ARPP21: variants seen among roughly 807,000 people sequenced by gnomAD.
ARPP21 encodes cAMP regulated phosphoprotein 21, also known as cAMP-regulated phosphoprotein 21.
In ARPP21, 69 loss-of-function variants were observed where a neutral mutation model predicts 113.2. That is an observed-to-expected ratio of 0.61 (90% CI 0.50 to 0.74). The LOEUF (loss-of-function observed/expected upper bound fraction) is 0.74. Among genes scored for constraint, ARPP21 ranks in the 30% least tolerant of loss-of-function variants. The pLI, the probability that ARPP21 is intolerant of heterozygous loss-of-function variation, is 0.00. For missense variants in ARPP21, 1,070 were observed against 1,037.4 expected, an observed-to-expected ratio of 1.03 and a Z score of -0.43; for synonymous variants, 368 against 375.5, an observed-to-expected ratio of 0.98 and a Z score of 0.23.
At chr3:35,720,519 C>T (rs1286976495) in intron 13 of ARPP21, among the ~76,000 whole-genome samples, 1 of 152,122 alleles carries the variant, frequency 6.6e-6, no homozygotes, top group Non-Finnish European at 1.5e-5. Context: ...TGAATCAAGG[C>T]TTAAATATGT....
chr3:35,686,483 C>T (rs2149543534), intron 5 of ARPP21, among the ~76,000 whole-genome samples: 1 of 151,720 alleles, frequency 6.6e-6, no homozygotes, highest in Admixed American at 6.6e-5. Flanking sequence ...AGGGAGTTCA[C>T]AGTGGAGCCC....
chr3:35,720,075 C>T (rs1444051412), intron 13 of ARPP21, among the ~76,000 whole-genome samples: 2 of 152,166 alleles, frequency 1.3e-5, no homozygotes, highest in Non-Finnish European at 2.9e-5. Context: ...GGCATTCATA[C>T]CTACAACTTG....
chr3:35,660,586 G>C (rs1171377856), intron 1 of ARPP21, among the ~76,000 whole-genome samples: 1 of 152,206 alleles, frequency 6.6e-6, no homozygotes, highest in East Asian at 1.9e-4. Flanking sequence ...CTCAAGGAAA[G>C]ACAGAGGAAA....
intron 9 of ARPP21, among the ~76,000 whole-genome samples, chr3:35,697,012 C>T (rs2084319556): frequency 6.6e-6 from 1 of 151,522 alleles, no homozygotes; most frequent in Non-Finnish European, 1.5e-5. Context: ...CCATTGGAGA[C>T]TAGAAACCAT....
chr3:35,663,589 G>A (rs1223290801), intron 1 of ARPP21, among the ~76,000 whole-genome samples: 1 of 152,138 alleles, frequency 6.6e-6, no homozygotes, highest in Non-Finnish European at 1.5e-5. Context: ...CTCCCGTGTT[G>A]ATCGGAGACA....
chr3:35,762,012 T>C (rs1472867666), intron 19 of ARPP21, among the ~76,000 whole-genome samples: 1 of 151,840 alleles, frequency 6.6e-6, no homozygotes, highest in Non-Finnish European at 1.5e-5. Context: ...ACAACATGTT[T>C]AAATAACAAA....
At chr3:35,687,674 C>T (rs1307056260) in intron 5 of ARPP21, 65 bp from the exon 6 acceptor site, 2 of 1,461,082 alleles carry the variant, frequency 1.4e-6, no homozygotes, top group African/African-American at 1.5e-5. Context: ...AACCTCTATG[C>T]AAAATGGGAG....
intron 19 of ARPP21, among the ~76,000 whole-genome samples, chr3:35,753,079 TGA>T (rs1011592538): frequency 2.7e-5 from 4 of 147,664 alleles, no homozygotes; most frequent in African/African-American, 1.0e-4. Flanking sequence ...TGTGTGTAAG[TGA>T]GAGAGAGAGA....
chr3:35,766,613 C>A (rs1244271601), intron 19 of ARPP21, among the ~76,000 whole-genome samples: 2 of 152,094 alleles, frequency 1.3e-5, no homozygotes, highest in Non-Finnish European at 2.9e-5. Context: ...TCAAACGCAC[C>A]CTTTGTGGGC....
At chr3:35,784,136 G>A (rs557857247) in intron 19 of ARPP21, among the ~76,000 whole-genome samples, 1 of 152,198 alleles carries the variant, frequency 6.6e-6, no homozygotes, top group South Asian at 2.1e-4. Context: ...TCTGTAAATG[G>A]CTTTTATGGT....
At chr3:35,792,216 A>G in intron 19 of ARPP21, 166 bp from the exon 20 acceptor site, 1 of 642,526 alleles carries the variant, frequency 1.6e-6, no homozygotes, top group Non-Finnish European at 2.7e-6. Context: ...TCTTAGAAGT[A>G]AAAAAAAGAG....
intron 19 of ARPP21, among the ~76,000 whole-genome samples, chr3:35,771,096 C>T (rs968770611): frequency 6.6e-6 from 1 of 152,180 alleles, no homozygotes. Flanking sequence ...TGCCCTGGGG[C>T]TCCACTTAGA....
intron 19 of ARPP21, among the ~76,000 whole-genome samples, chr3:35,759,676 CTGTGTGTGTGTG>C (rs57456659): frequency 2.1e-5 from 3 of 140,792 alleles, no homozygotes; most frequent in Non-Finnish European, 3.1e-5. Context: ...TTTTCTCTCT[CTGTGTGTGTGTG>C]TGTGTGTGTG....
intron 7 of ARPP21, 144 bp from the exon 8 acceptor site, chr3:35,689,937 G>A: frequency 1.8e-6 from 1 of 559,118 alleles, no homozygotes; most frequent in South Asian, 2.6e-5. Flanking sequence ...ATATGTAAAT[G>A]GTCAGCATAT....
intron 14 of ARPP21, among the ~76,000 whole-genome samples, chr3:35,725,708 T>C (rs2093477400): frequency 6.6e-6 from 1 of 152,226 alleles, no homozygotes; most frequent in Non-Finnish European, 1.5e-5. Flanking sequence ...TCTTTTGTCA[T>C]GTTTCCCATT....
chr3:35,660,404 G>C (rs1335640041), intron 1 of ARPP21, among the ~76,000 whole-genome samples: 1 of 152,144 alleles, frequency 6.6e-6, no homozygotes, highest in Non-Finnish European at 1.5e-5. Flanking sequence ...GATGTGAGCA[G>C]GCCAAACTCT....
chr3:35,792,501 G>GTTTCCTACCCAACAATGTCTTCT lies in ARPP21; in HGVS notation c.2259_2281dup (p.Tyr761PhefsTer13). ...AGGAACTCCGGTGCAAAGCGTGATG[G>GTTTCCTACCCAACAATGTCTTCT]TTTCCTACCCAACAATGTCTTCTTA... On this transcript the variant is annotated frameshift_variant, in exon 20 of 21. Transcript: ENST00000684406. LOFTEE classifies it high-confidence loss of function. 3 of 1,614,062 alleles carry GTTTCCTACCCAACAATGTCTTCT rather than the reference G, an allele frequency of 1.9e-6. No individual in the cohort carries two copies. The highest frequency in any genetic ancestry group is 2.5e-6 in the Non-Finnish European group (3 of 1,179,966).
Position 35,640,244 on chromosome 3 carries a change from A to G in ARPP21, c.-367A>G, listed in dbSNP as rs988300317. On this transcript the variant is annotated 5_prime_UTR_variant, in exon 1 of 21. Coordinates refer to ENST00000684406, the MANE Select transcript of ARPP21 (RefSeq NM_001385562.1). ...AAAACAAAACAAACAAACAAACCCAACAACAACAACAACAACAAAAGCCAA... is the reference window on the plus strand; with the variant it reads ...AAAACAAAACAAACAAACAAACCCAGCAACAACAACAACAACAAAAGCCAA... 1 of 152,074 alleles carries G rather than the reference A, an allele frequency of 6.6e-6. No individual in the cohort carries two copies. The highest frequency in any genetic ancestry group is 1.5e-5 in the Non-Finnish European group (1 of 68,090). 9.4% of individuals were successfully genotyped at this position (152,074 alleles called of 1,614,324 possible).
intron 12 of ARPP21, among the ~76,000 whole-genome samples, 178 bp from the exon 13 acceptor site, chr3:35,717,120 G>A (rs1390048742): frequency 1.3e-5 from 2 of 151,376 alleles, no homozygotes; most frequent in African/African-American, 4.9e-5. Flanking sequence ...TTAATCCTAG[G>A]GTAGAGATCT....
Sources: allele counts gnomAD v4.1 joint callset (sites outside exome capture counted in the v4.1 genomes callset), GRCh38; gene constraint gnomAD v4.1.1; transcripts MANE v1.5; gene names NCBI Gene and HGNC (gene_info 2026-07-23, HGNC 2026-07-21).